TJP1: variants seen among roughly 807,000 people sequenced by gnomAD.
TJP1 encodes the protein tight junction protein 1.
A neutral mutation model predicts 194.2 loss-of-function variants in TJP1; 43 were observed. The observed-to-expected ratio is 0.22, with a 90% CI of 0.17 to 0.29. TJP1 has a LOEUF of 0.29. TJP1 is among the 10% of genes least tolerant of loss of function. TJP1 has a pLI of 1.00. For synonymous variants in TJP1, 801 were observed against 779.0 expected (o/e 1.03, Z -0.47); for missense variants, 1,971 against 2,185.7 (o/e 0.90, Z 1.96).
chr15:29,713,357 G>A (rs555871677), intron 23 of TJP1, among the ~76,000 whole-genome samples: 1 of 152,198 alleles, frequency 6.6e-6, no homozygotes, highest in African/African-American at 2.4e-5. Context: ...CTAAGCTACT[G>A]TCTCCTAACC....
chr15:29,834,290 C>A (rs1400091030), intron 2 of TJP1, among the ~76,000 whole-genome samples: 1 of 151,080 alleles, frequency 6.6e-6, no homozygotes, highest in Non-Finnish European at 1.5e-5. Context: ...GGCGAGATCT[C>A]GGCTCACTGC....
chr15:29,780,996 G>A (rs1166042405), intron 2 of TJP1, among the ~76,000 whole-genome samples: 1 of 151,866 alleles, frequency 6.6e-6, no homozygotes, highest in Non-Finnish European at 1.5e-5. Context: ...AACAAAAAGA[G>A]CTGAACTGAA....
At chr15:29,724,644 C>A (rs533555011) in intron 18 of TJP1, among the ~76,000 whole-genome samples, 1 of 152,216 alleles carries the variant, frequency 6.6e-6, no homozygotes, top group South Asian at 2.1e-4. Flanking sequence ...CTCTTTCTAG[C>A]AATTAGGTCA....
exon 1 of TJP1, chr15:29,968,732 C>T: frequency 8.1e-7 from 1 of 1,232,954 alleles, no homozygotes; most frequent in Non-Finnish European, 1.0e-6. Flanking sequence ...TGGCCATCTG[C>T]AGCACCGTCA....
At chr15:29,945,483 C>T (rs1240746302) in intron 2 of TJP1, among the ~76,000 whole-genome samples, 1 of 152,202 alleles carries the variant, frequency 6.6e-6, no homozygotes, top group African/African-American at 2.4e-5. Flanking sequence ...AGCTCCTCTA[C>T]TCTCTCTCAC....
At chr15:29,907,438 G>A (rs2053853411) in intron 2 of TJP1, among the ~76,000 whole-genome samples, 1 of 151,704 alleles carries the variant, frequency 6.6e-6, no homozygotes, top group Non-Finnish European at 1.5e-5. Flanking sequence ...GAAAAGAAGT[G>A]GTACATACAT....
intron 8 of TJP1, among the ~76,000 whole-genome samples, chr15:29,748,671 C>G (rs1391959461): frequency 6.8e-6 from 1 of 146,708 alleles, no homozygotes; most frequent in East Asian, 2.1e-4. Flanking sequence ...CTCCCAGGCT[C>G]AAGCAATCCT....
chr15:29,779,117 C>T (rs938428078), intron 2 of TJP1, among the ~76,000 whole-genome samples: 16 of 152,160 alleles, frequency 1.1e-4, no homozygotes, highest in Admixed American at 9.2e-4. Flanking sequence ...ACTACAGTAA[C>T]GGTTGCTTAA....
chr15:29,835,661 C>A (rs199618596), intron 2 of TJP1, among the ~76,000 whole-genome samples: 2 of 141,724 alleles, frequency 1.4e-5, no homozygotes, highest in Non-Finnish European at 3.1e-5. Context: ...AAAAAAAAAA[C>A]AAAAAGCACA....
intron 2 of TJP1, among the ~76,000 whole-genome samples, chr15:29,839,135 A>C (rs2152062960): frequency 6.7e-6 from 1 of 149,852 alleles, no homozygotes; most frequent in South Asian, 2.2e-4. Flanking sequence ...AGTAGCTGGG[A>C]CTACAGGAGC....
intron 2 of TJP1, among the ~76,000 whole-genome samples, chr15:29,894,309 A>C (rs1471540203): frequency 3.3e-5 from 5 of 152,070 alleles, no homozygotes; most frequent in African/African-American, 1.2e-4. Flanking sequence ...AAATACAAAA[A>C]TTGGCTGGAT....
intron 2 of TJP1, among the ~76,000 whole-genome samples, chr15:29,836,836 C>A (rs1438537298): frequency 6.6e-6 from 1 of 152,152 alleles, no homozygotes; most frequent in Non-Finnish European, 1.5e-5. Flanking sequence ...CTGCCTCTGT[C>A]ATGTAAGAAA....
At chr15:29,866,289 C>A (rs187649583) in intron 2 of TJP1, among the ~76,000 whole-genome samples, 1 of 152,188 alleles carries the variant, frequency 6.6e-6, no homozygotes, top group Non-Finnish European at 1.5e-5. Context: ...CACATTTTTC[C>A]GTCACAAATT....
At chr15:29,775,327 A>G (rs200561184) in intron 2 of TJP1, among the ~76,000 whole-genome samples, 4 of 794 alleles carry the variant, frequency 5.0e-3, no homozygotes, top group Non-Finnish European at 0.028. Flanking sequence ...TTTAATACAG[A>G]AAAAAAAAAA....
At chr15:29,776,639 T>C (rs977577401) in intron 2 of TJP1, among the ~76,000 whole-genome samples, 4 of 152,206 alleles carry the variant, frequency 2.6e-5, no homozygotes, top group Non-Finnish European at 5.9e-5. Flanking sequence ...ATGAGTATTT[T>C]ATCCATGTAT....
At chr15:29,845,972 T>G (rs115980743) in intron 2 of TJP1, among the ~76,000 whole-genome samples, 1 of 152,088 alleles carries the variant, frequency 6.6e-6, no homozygotes, top group African/African-American at 2.4e-5. Context: ...CCATTCCCTC[T>G]CAGCTACACA....
At chr15:29,711,048 T>G in intron 23 of TJP1, 48 bp from the exon 24 acceptor site, 1 of 1,512,044 alleles carries the variant, frequency 6.6e-7, no homozygotes, top group Non-Finnish European at 8.8e-7. Flanking sequence ...GGACTCACAT[T>G]TACAAAACAA....
intron 10 of TJP1, among the ~76,000 whole-genome samples, chr15:29,738,210 T>C (rs568848707): frequency 5.8e-4 from 89 of 152,278 alleles, no homozygotes; most frequent in African/African-American, 2.1e-3. Flanking sequence ...CCCACTATAT[T>C]TCCCTTCTAG....
intron 15 of TJP1, among the ~76,000 whole-genome samples, chr15:29,729,920 T>C (rs1376470283): frequency 6.6e-6 from 1 of 151,818 alleles, no homozygotes; most frequent in Non-Finnish European, 1.5e-5. Flanking sequence ...ATCATAATTA[T>C]GGGAACAGCT....
Sources: gnomAD v4.1 joint callset for allele counts (sites outside exome capture counted in the v4.1 genomes callset) on GRCh38, gnomAD v4.1.1 for gene constraint, MANE v1.5 for transcripts, NCBI Gene and HGNC (gene_info 2026-07-23, HGNC 2026-07-21) for gene names.